The following NPAS3 variants were observed in gnomAD, a reference collection of about 807,000 sequenced individuals.
NPAS3 encodes the protein neuronal PAS domain-containing protein 3.
Under a neutral mutation model 73.1 loss-of-function variants are expected in NPAS3, and 14 were observed. That is an observed-to-expected ratio of 0.19 (90% CI 0.13 to 0.30). NPAS3 has a LOEUF of 0.30. NPAS3 is among the 10% of genes least tolerant of loss of function. The pLI, the probability that NPAS3 is intolerant of heterozygous loss-of-function variation, is 1.00. For synonymous variants in NPAS3, 620 were observed against 541.5 expected (o/e 1.14, Z -2.01); for missense variants, 1,096 against 1,250.0 (o/e 0.88, Z 1.86).
chr14:33,183,421 G>GTTTTT (rs55643715), intron 2 of NPAS3, among the ~76,000 whole-genome samples: 9 of 60,792 alleles, frequency 1.5e-4, no homozygotes, highest in East Asian at 4.6e-4. Context: ...GTGAGACTCT[G>GTTTTT]TTTTTTTTTT....
chr14:33,798,581 C>T (rs2063582443), intron 11 of NPAS3, among the ~76,000 whole-genome samples: 1 of 152,118 alleles, frequency 6.6e-6, no homozygotes, highest in Non-Finnish European at 1.5e-5. Flanking sequence ...GGCACCTGTG[C>T]TCCAGCATTG....
chr14:33,304,607 A>G lies in NPAS3; in HGVS notation c.386-62579A>G, dbSNP rs533232992. Among the ~76,000 whole-genome samples the G allele has an allele frequency of 2.0e-5, 3 of 152,170 alleles. No homozygotes were observed. In the South Asian group the frequency reaches 6.2e-4, roughly 32 times the overall value. ...ATGTTTCCTTAGGGCTACATATGTG[A>G]CATTTACCCTATCATTATTTTCTAA... On this transcript the variant is annotated intron_variant, in intron 3 of 11. Coordinates refer to ENST00000356141, the Ensembl canonical transcript of NPAS3.
chr14:33,249,604 C>A (rs189517738), intron 3 of NPAS3, among the ~76,000 whole-genome samples: 2 of 152,208 alleles, frequency 1.3e-5, no homozygotes, highest in Non-Finnish European at 2.9e-5. Context: ...TCCTGGGGAC[C>A]TGCAGGATTG....
chr14:33,159,635 A>G (rs1595573555), intron 2 of NPAS3, among the ~76,000 whole-genome samples: 1 of 149,502 alleles, frequency 6.7e-6, no homozygotes, highest in Admixed American at 6.7e-5. Context: ...CTCACCGCAA[A>G]CTCCGCCTCC....
At chr14:33,709,579 A>C (rs2140487719) in intron 6 of NPAS3, among the ~76,000 whole-genome samples, 1 of 152,320 alleles carries the variant, frequency 6.6e-6, no homozygotes, top group Middle Eastern at 3.4e-3. Flanking sequence ...ACATTTGCTA[A>C]GTTCTTTCCA....
chr14:33,792,844 A>T (rs1595625558), intron 9 of NPAS3, among the ~76,000 whole-genome samples: 1 of 152,370 alleles, frequency 6.6e-6, no homozygotes, highest in South Asian at 2.1e-4. Context: ...TGGGCGACGT[A>T]GATGAGTGCA....
intron 2 of NPAS3, among the ~76,000 whole-genome samples, chr14:33,088,631 C>T (rs1333457221): frequency 6.6e-6 from 1 of 152,260 alleles, no homozygotes; most frequent in Non-Finnish European, 1.5e-5. Context: ...GCAGCAGAAA[C>T]CTCTGCAGAC....
chr14:33,350,098 C>T (rs531584141), intron 3 of NPAS3, among the ~76,000 whole-genome samples: 22 of 152,260 alleles, frequency 1.4e-4, no homozygotes, highest in Admixed American at 1.4e-3. Flanking sequence ...CTTGGCTAGG[C>T]TCTGAAAATT....
chr14:33,499,137 A>T (rs887096242), intron 4 of NPAS3, among the ~76,000 whole-genome samples: 4 of 151,932 alleles, frequency 2.6e-5, no homozygotes, highest in African/African-American at 7.2e-5. Context: ...ACTATAAATT[A>T]GTTAAAACTT....
At chr14:33,696,892 A>C (rs546754242) in intron 6 of NPAS3, among the ~76,000 whole-genome samples, 2 of 152,216 alleles carry the variant, frequency 1.3e-5, no homozygotes, top group Non-Finnish European at 2.9e-5. Flanking sequence ...CTGCAAAAGC[A>C]TTACTTACTT....
At chr14:33,358,247 G>A (rs552466267) in intron 3 of NPAS3, among the ~76,000 whole-genome samples, 25 of 152,264 alleles carry the variant, frequency 1.6e-4, no homozygotes, top group African/African-American at 6.0e-4. Flanking sequence ...GAGGTGGAGG[G>A]GGAGAGAGAA....
At chr14:33,458,891 A>G (rs2050134197) in intron 4 of NPAS3, among the ~76,000 whole-genome samples, 1 of 152,248 alleles carries the variant, frequency 6.6e-6, no homozygotes, top group Admixed American at 6.5e-5. Flanking sequence ...CGCACAAGAA[A>G]TAATTCAGGG....
chr14:33,232,740 C>T (rs1314261497), intron 3 of NPAS3, among the ~76,000 whole-genome samples: 1 of 152,162 alleles, frequency 6.6e-6, no homozygotes, highest in Non-Finnish European at 1.5e-5. Context: ...CTATAAGTTA[C>T]TACATTTCAT....
chr14:33,576,233 C>T lies in NPAS3; in HGVS notation c.558+16023C>T, dbSNP rs75321232. On this transcript the variant is annotated intron_variant, in intron 5 of 11. Transcript: ENST00000356141. Reference sequence around the variant, plus strand: ...TGCACAGTTTATAGTACCATATGAACTCGTAGAGCTGATTGTTTTATTATA... The same window carrying T: ...TGCACAGTTTATAGTACCATATGAATTCGTAGAGCTGATTGTTTTATTATA... Among the ~76,000 whole-genome samples the T allele has an allele frequency of 7.0e-3, 1,066 of 152,200 alleles. 53 individuals carry two copies. In the East Asian group the frequency reaches 0.15, roughly 22 times the overall value.
intron 4 of NPAS3, among the ~76,000 whole-genome samples, chr14:33,441,545 G>A (rs2049248500): frequency 6.6e-6 from 1 of 152,196 alleles, no homozygotes; most frequent in African/African-American, 2.4e-5. Context: ...CCCTTTGAAG[G>A]CAGCCCATCC....
At chr14:33,149,338 A>G (rs1313636182) in intron 2 of NPAS3, among the ~76,000 whole-genome samples, 1 of 152,198 alleles carries the variant, frequency 6.6e-6, no homozygotes, top group Non-Finnish European at 1.5e-5. Context: ...ATGCTTTTAA[A>G]ATTTCTTGTT....
downstream of NPAS3, chr14:33,803,421 A>G (rs1013723765): frequency 1.3e-5 from 2 of 152,230 alleles, no homozygotes; most frequent in Non-Finnish European, 2.9e-5. Context: ...GAATAATAAC[A>G]AAAAGAAGTT....
chr14:33,166,898 A>T (rs554097095), intron 2 of NPAS3, among the ~76,000 whole-genome samples: 7 of 152,358 alleles, frequency 4.6e-5, no homozygotes, highest in African/African-American at 7.2e-5. Flanking sequence ...CATTTCACTT[A>T]GTATATCACT....
At chr14:33,763,000 T>A (rs2062344658) in intron 7 of NPAS3, among the ~76,000 whole-genome samples, 1 of 152,182 alleles carries the variant, frequency 6.6e-6, no homozygotes, top group Non-Finnish European at 1.5e-5. Flanking sequence ...CACTGAATAG[T>A]AGAAAAATCG....
Sources: gnomAD v4.1 joint callset for allele counts (sites outside exome capture counted in the v4.1 genomes callset) on GRCh38, gnomAD v4.1.1 for gene constraint, MANE v1.5 for transcripts, NCBI Gene and HGNC (gene_info 2026-07-23, HGNC 2026-07-21) for gene names.